OPCML: variants seen among roughly 807,000 people sequenced by gnomAD.
OPCML encodes opioid binding protein/cell adhesion molecule like, also known as opioid-binding protein/cell adhesion molecule.
Under a neutral mutation model 37.8 loss-of-function variants are expected in OPCML, and 13 were observed. That is an observed-to-expected ratio of 0.34 (90% CI 0.22 to 0.55). OPCML has a LOEUF of 0.55. Among genes scored for constraint, OPCML ranks in the 20% least tolerant of loss-of-function variants. The probability of loss-of-function intolerance (pLI) is 0.91; values close to 1 mark genes in which losing one functional copy is unlikely to be tolerated. For synonymous variants in OPCML, 176 were observed against 168.8 expected (o/e 1.04, Z -0.33); for missense variants, 341 against 435.6 (o/e 0.78, Z 1.93).
chr11:133,183,391 C>T (rs1352691598), intron 1 of OPCML, among the ~76,000 whole-genome samples: 1 of 152,180 alleles, frequency 6.6e-6, no homozygotes, highest in Non-Finnish European at 1.5e-5. Flanking sequence ...GAAAATAGTT[C>T]CTAAACCTGT....
At chr11:133,376,103 A>G (rs1245088513) in intron 1 of OPCML, among the ~76,000 whole-genome samples, 2 of 152,198 alleles carry the variant, frequency 1.3e-5, no homozygotes, top group African/African-American at 4.8e-5. Flanking sequence ...AAAGAAGATC[A>G]GGAGAGAAAG....
chr11:132,486,595 T>C (rs1162357209), intron 4 of OPCML, among the ~76,000 whole-genome samples: 1 of 152,226 alleles, frequency 6.6e-6, no homozygotes, highest in Non-Finnish European at 1.5e-5. Flanking sequence ...TACTTTTATT[T>C]AAGCCATTGT....
At chr11:132,475,243 C>A (rs1033003961) in intron 4 of OPCML, among the ~76,000 whole-genome samples, 4 of 152,208 alleles carry the variant, frequency 2.6e-5, no homozygotes. Context: ...TGCTTCTCCT[C>A]TTCTCCTATT....
intron 2 of OPCML, among the ~76,000 whole-genome samples, chr11:132,685,333 G>A (rs1943119473): frequency 6.6e-6 from 1 of 152,170 alleles, no homozygotes; most frequent in Non-Finnish European, 1.5e-5. Context: ...ACCTAAAAAT[G>A]TTGAGAGATT....
At chr11:133,229,756 G>A (rs930442082) in intron 1 of OPCML, among the ~76,000 whole-genome samples, 2 of 152,180 alleles carry the variant, frequency 1.3e-5, no homozygotes, top group Admixed American at 6.5e-5. Flanking sequence ...TGAGGGTAAG[G>A]GGGAACTGCT....
At chr11:133,528,426 G>A (rs571676119) in intron 1 of OPCML, among the ~76,000 whole-genome samples, 19 of 152,306 alleles carry the variant, frequency 1.2e-4, no homozygotes, top group African/African-American at 2.4e-4. Flanking sequence ...AGTCTGGCGC[G>A]TGGATTCCCC....
chr11:133,355,606 T>C (rs1325740447), intron 1 of OPCML, among the ~76,000 whole-genome samples: 1 of 152,156 alleles, frequency 6.6e-6, no homozygotes, highest in African/African-American at 2.4e-5. Context: ...AGCTGGGCCC[T>C]GAAGGTGGGT....
intron 1 of OPCML, chr11:133,422,334 T>C: frequency 1.0e-6 from 1 of 980,784 alleles, no homozygotes; most frequent in Non-Finnish European, 1.2e-6. Flanking sequence ...TAAGTTTTTC[T>C]TCAAAGCCAT....
chr11:132,517,912 G>A (rs1242992037), intron 4 of OPCML, among the ~76,000 whole-genome samples: 1 of 152,064 alleles, frequency 6.6e-6, no homozygotes, highest in Admixed American at 6.5e-5. Context: ...CAGAGGTTTA[G>A]TCAACTGCAG....
intron 7 of OPCML, among the ~76,000 whole-genome samples, chr11:132,433,046 T>G (rs1181391021): frequency 6.6e-6 from 1 of 152,144 alleles, no homozygotes; most frequent in Non-Finnish European, 1.5e-5. Flanking sequence ...CAGGAAGGGA[T>G]GCTGAATGCA....
intron 1 of OPCML, among the ~76,000 whole-genome samples, chr11:132,958,242 C>T (rs1207110106): frequency 6.6e-6 from 1 of 152,212 alleles, no homozygotes; most frequent in East Asian, 1.9e-4. Context: ...CCACAACATT[C>T]TATTAAGCCA....
chr11:133,152,918 C>T (rs73023526), intron 1 of OPCML, among the ~76,000 whole-genome samples: 15,388 of 151,650 alleles, frequency 0.1, 874 homozygotes, highest in Non-Finnish European at 0.13. Context: ...AATCTTTTTC[C>T]CCTTCATAAG....
chr11:133,388,828 G>A (rs377681962), intron 1 of OPCML, among the ~76,000 whole-genome samples: 1 of 152,108 alleles, frequency 6.6e-6, no homozygotes, highest in Admixed American at 6.5e-5. Flanking sequence ...GAATGACTTT[G>A]GATACTTGAA....
At chr11:132,954,231 A>G in intron 1 of OPCML, among the ~76,000 whole-genome samples, 1 of 152,162 alleles carries the variant, frequency 6.6e-6, no homozygotes, top group Non-Finnish European at 1.5e-5. Flanking sequence ...TCCAAAGAAC[A>G]TGGTGTGTTA....
chr11:132,837,949 G>A (rs1190264288), intron 2 of OPCML, among the ~76,000 whole-genome samples: 1 of 152,296 alleles, frequency 6.6e-6, no homozygotes, highest in Admixed American at 6.5e-5. Flanking sequence ...ATGCCAGGCC[G>A]CTGTCACGTC....
At chr11:133,270,368 A>G (rs1001838043) in intron 1 of OPCML, among the ~76,000 whole-genome samples, 6 of 148,446 alleles carry the variant, frequency 4.0e-5, no homozygotes, top group Admixed American at 2.0e-4. Context: ...TGGGACAAAG[A>G]AAAAAAAAAC....
At chr11:133,306,863 G>T (rs1942932141) in intron 1 of OPCML, among the ~76,000 whole-genome samples, 1 of 152,066 alleles carries the variant, frequency 6.6e-6, no homozygotes, top group Admixed American at 6.6e-5. Flanking sequence ...TCTTCTTCTG[G>T]TTTTATCCTT....
chr11:132,540,977 C>T (rs1296231675), intron 3 of OPCML, among the ~76,000 whole-genome samples: 1 of 152,180 alleles, frequency 6.6e-6, no homozygotes, highest in Non-Finnish European at 1.5e-5. Flanking sequence ...TGTAGGCTCC[C>T]TGGAGAGTTC....
intron 4 of OPCML, among the ~76,000 whole-genome samples, chr11:132,497,470 A>C (rs960623490): frequency 6.6e-6 from 1 of 152,130 alleles, no homozygotes; most frequent in Admixed American, 6.6e-5. Flanking sequence ...CTGTGGGTAC[A>C]GGAAATGCCA....
Sources: gnomAD v4.1 joint callset for allele counts (sites outside exome capture counted in the v4.1 genomes callset) on GRCh38, gnomAD v4.1.1 for gene constraint, MANE v1.5 for transcripts, NCBI Gene and HGNC (gene_info 2026-07-23, HGNC 2026-07-21) for gene names.